Variants in ZNF335 observed in about 807,000 individuals in gnomAD.
ZNF335 encodes zinc finger protein 335, also known as NRC-interacting factor 1.
ZNF335 carries 84 observed loss-of-function variants against 145.6 expected under a neutral mutation model. That is an observed-to-expected ratio of 0.58 (90% CI 0.48 to 0.69). The LOEUF is 0.69. Ranked by LOEUF, ZNF335 falls within the 30% of genes least tolerant of loss-of-function variation. The pLI is 0.00. For synonymous variants in ZNF335, 761 were observed against 717.0 expected, an observed-to-expected ratio of 1.06 and a Z score of -0.98; for missense variants, 1,865 against 1,809.7, an observed-to-expected ratio of 1.03 and a Z score of -0.55.
chr20:45,953,634 C>T lies in ZNF335; in HGVS notation c.2702+55G>A, dbSNP rs958936771. ...GGCTTGGGTGGGGCCCAAATCGGACCGACCGACCACACCTACAAAAAGCTG... is the reference window on the plus strand; with the variant it reads ...GGCTTGGGTGGGGCCCAAATCGGACTGACCGACCACACCTACAAAAAGCTG... On this transcript the variant is annotated intron_variant, in intron 18 of 27. Coordinates refer to ENST00000322927, the MANE Select transcript of ZNF335 (RefSeq NM_022095.4). The T allele has an allele frequency of 2.3e-5, 36 of 1,596,098 alleles. No individual in the cohort carries two copies. In the African/African-American group the frequency reaches 2.8e-4, roughly 12 times the overall value.
intron 14 of ZNF335, among the ~76,000 whole-genome samples, chr20:45,959,929 A>G (rs541947471): frequency 2.2e-4 from 34 of 152,316 alleles, no homozygotes; most frequent in African/African-American, 7.9e-4. Flanking sequence ...TCATAGCCAT[A>G]TGGCAGGCAC....
Position 45,950,229 on chromosome 20 carries a change from G to A in ZNF335, c.3477C>T (p.Ala1159=), listed in dbSNP as rs776576228. The stretch of plus-strand genomic sequence containing the variant: ...CCAGGGGCAGCTCACTGTGCAGGGT[G>A]GCCAGTGTTTCGTCATCACTGTTCA... The part of the protein sequence containing the change: ...IILNSDDETL[A]TLHTALQSSH... The change falls in exon 22 of 28, where the codon GCC becomes GCT. Residue 1159 remains alanine, a synonymous_variant. Transcript: ENST00000322927. 3.2e-6 allele frequency: 5 copies of A among 1,547,764 alleles called. No homozygotes were observed. Among genetic ancestry groups the A allele is most frequent in the Non-Finnish European group, 4.4e-6 (5 of 1,146,836 alleles).
intron 2 of ZNF335, 71 bp from the exon 3 acceptor site, chr20:45,969,762 C>A: frequency 6.4e-7 from 1 of 1,565,046 alleles, no homozygotes; most frequent in South Asian, 1.2e-5. Context: ...TGCCAGCTCC[C>A]ACTTGCTAGA....
chr20:45,971,229 T>G lies in ZNF335; in HGVS notation c.182A>C (p.Asp61Ala), dbSNP rs1046450853. The change falls in exon 2 of 28, where the codon GAC (aspartate) becomes GCC (alanine). Residue 61 changes from aspartate (D) to alanine (A), a missense_variant. Asp to Ala is a moderately radical substitution (Grantham distance 126). Coordinates refer to ENST00000322927, the MANE Select transcript of ZNF335 (RefSeq NM_022095.4). ...ADDSGVGQSSDRGSRSQEEVS... is the reference protein window; with the variant it reads ...ADDSGVGQSSARGSRSQEEVS... ...CCATACCTGAGAACGGCTGCCGCGG[T>G]CCGAGCTTTGCCCCACGCCAGAGTC... 8.4e-6 allele frequency: 13 copies of G among 1,545,282 alleles called. No individual in the cohort carries two copies. In the Admixed American group the frequency reaches 1.2e-4, roughly 14 times the overall value.
At position 45,950,581 on chromosome 20, in the gene ZNF335, C is replaced by T; in HGVS notation, c.3204G>A (p.Gln1068=). The part of the protein sequence containing the change: ...QWPEVRAHMA[Q]HSSLRPHQCS... ...ACTGGTGGGGCCGTAGGCTTGAGTG[C>T]TGTGCCATGTGCGCCTGCAGAGAGG... Residue 1068 remains glutamine (Q), a synonymous_variant, in exon 21 of 28, where the codon CAG becomes CAA. Coordinates refer to ENST00000322927, the MANE Select transcript of ZNF335 (RefSeq NM_022095.4). 1 of 1,613,990 alleles carries T rather than the reference C, an allele frequency of 6.2e-7. No homozygotes were observed. Among genetic ancestry groups the T allele is most frequent in the South Asian group, 1.1e-5 (1 of 91,084 alleles).
intron 7 of ZNF335, among the ~76,000 whole-genome samples, chr20:45,965,341 T>C (rs1191777644): frequency 6.6e-6 from 1 of 152,116 alleles, no homozygotes; most frequent in African/African-American, 2.4e-5. Flanking sequence ...TTCAGTAATA[T>C]TTAAAACTTA....
Position 45,948,859 on chromosome 20 carries a change from G to A in ZNF335, c.*94C>T, listed in dbSNP as rs2083573006. On this transcript the variant is annotated 3_prime_UTR_variant, in exon 28 of 28. Coordinates refer to ENST00000322927, the MANE Select transcript of ZNF335 (RefSeq NM_022095.4). ...GAGGATGCTGGCTATCCAGTATCTG[G>A]AGATCCTAAATGAAGAGGGAGGTGA... 10 of 1,575,340 alleles carry A rather than the reference G, an allele frequency of 6.3e-6. No homozygotes were observed. The highest frequency in any genetic ancestry group is 8.7e-6 in the Non-Finnish European group (10 of 1,153,088).
At position 45,950,205 on chromosome 20, in the gene ZNF335, C is replaced by G. The variant is rs73622634; in HGVS notation, c.3487+14G>C. On this transcript the variant is annotated intron_variant, in intron 22 of 27. Transcript: ENST00000322927. ...TACCCTGTTGCCCACCCTGTGGCCCCAGGGGCAGCTCACTGTGCAGGGTGG... is the reference window on the plus strand; with the variant it reads ...TACCCTGTTGCCCACCCTGTGGCCCGAGGGGCAGCTCACTGTGCAGGGTGG... 0.015 allele frequency: 23,699 copies of G among 1,552,528 alleles called. 1,522 individuals carry two copies. The East Asian group carries it at 0.22, about 15-fold the overall frequency.
intron 18 of ZNF335, 70 bp downstream of exon 18, chr20:45,953,619 G>A: frequency 1.9e-6 from 3 of 1,579,736 alleles, no homozygotes; most frequent in Non-Finnish European, 2.6e-6. Flanking sequence ...GGCTTGGGTG[G>A]GGCCCAAATC....
intron 4 of ZNF335, 49 bp downstream of exon 4, chr20:45,968,236 T>C: frequency 6.3e-7 from 1 of 1,582,292 alleles, no homozygotes; most frequent in Non-Finnish European, 8.7e-7. Flanking sequence ...TCCTCACCTA[T>C]CCCCCTGCCC....
chr20:45,952,074 T>G lies in ZNF335; in HGVS notation c.3189+73A>C, dbSNP rs566582038. On this transcript the variant is annotated intron_variant, in intron 20 of 27. Transcript: ENST00000322927. ...CAGAGGATCTGGCTTGAAAGGGCAC[T>G]CATTAAAGGTTTGTTATACAAACGA... is the stretch of plus-strand genomic sequence containing the variant. The G allele has an allele frequency of 4.6e-6, 7 of 1,507,560 alleles. No individual in the cohort carries two copies. In the South Asian group the frequency reaches 9.4e-5, roughly 20 times the overall value. The allele number at this position is 1,507,560 out of a possible 1,614,324, so 93.4% of individuals were successfully genotyped here. A position where few individuals can be genotyped will look rare whatever the true frequency, so the allele number is the denominator to read the frequency against.
intron 18 of ZNF335, among the ~76,000 whole-genome samples, chr20:45,953,470 T>A (rs997706743): frequency 1.3e-5 from 2 of 152,212 alleles, no homozygotes; most frequent in African/African-American, 4.8e-5. Context: ...CTCATGGGAA[T>A]GGCTTAGGTC....
rs1349520687 is a variant in ZNF335 at position 45,957,639 on chromosome 20, C to G, written c.2389G>C (p.Asp797His). ...TGAGCACTCATGTTCAGCAGAAGAT[C>G]CAAGGCTGTCTGCGTGGCCATCGCT... is the stretch of plus-strand genomic sequence containing the variant. ...STAMATQTALDLLLNMSAQRE... is the reference protein window; with the variant it reads ...STAMATQTALHLLLNMSAQRE... Residue 797 changes from aspartate to histidine, a missense_variant, in exon 17 of 28, where the codon GAT becomes CAT. Transcript: ENST00000322927. The G allele has an allele frequency of 1.9e-6, 3 of 1,614,178 alleles. No individual in the cohort carries two copies. The highest frequency in any genetic ancestry group is 2.5e-6 in the Non-Finnish European group (3 of 1,180,034).
At chr20:45,954,585 G>A (rs1490449668) in intron 17 of ZNF335, among the ~76,000 whole-genome samples, 1 of 152,044 alleles carries the variant, frequency 6.6e-6, no homozygotes, top group Non-Finnish European at 1.5e-5. Context: ...AGAAATTGGG[G>A]TTGGGGGATA....
chr20:45,966,190 G>A (rs143394870), intron 6 of ZNF335, among the ~76,000 whole-genome samples: 34 of 151,910 alleles, frequency 2.2e-4, no homozygotes, highest in African/African-American at 8.2e-4. Flanking sequence ...ATAATTAAGT[G>A]TAAAATAATG....
chr20:45,958,378 T>C (rs2083766849), intron 15 of ZNF335, among the ~76,000 whole-genome samples: 1 of 152,150 alleles, frequency 6.6e-6, no homozygotes, highest in South Asian at 2.1e-4. Flanking sequence ...ACGAGCTCAG[T>C]GCTACAGATG....
Position 45,949,316 on chromosome 20 carries a change from T to A in ZNF335, c.3819+17A>T. ...CCTGCCTGTGCCCCAGGTCTCCCTG[T>A]CCCCCCACGGCCCTACCTGGGACTC... is the stretch of plus-strand genomic sequence containing the variant. On this transcript the variant is annotated intron_variant, in intron 26 of 27. Coordinates refer to ENST00000322927, the MANE Select transcript of ZNF335 (RefSeq NM_022095.4). 6.2e-7 allele frequency: 1 copy of A among 1,613,910 alleles called. No homozygotes were observed. Among genetic ancestry groups the A allele is most frequent in the Non-Finnish European group, 8.5e-7 (1 of 1,179,980 alleles).
chr20:45,955,869 C>T (rs2145371121), intron 17 of ZNF335, among the ~76,000 whole-genome samples: 1 of 151,968 alleles, frequency 6.6e-6, no homozygotes, highest in South Asian at 2.1e-4. Flanking sequence ...CAGTGAAGCA[C>T]TGCTTGAATT....
rs2083826425 is a variant in ZNF335, at chr20:45,960,703, A to G, written c.1695T>C (p.Pro565=). ...PTPKLSSFPC[P]VCGRVYPMQK... ...GCATGGGGTACACACGGCCACACACAGGGCAGGGGAAAGAGCTCAGCTTTG... is the reference window on the plus strand; with the variant it reads ...GCATGGGGTACACACGGCCACACACGGGGCAGGGGAAAGAGCTCAGCTTTG... The change falls in exon 12 of 28, where the codon CCT becomes CCC. Residue 565 remains proline, a synonymous_variant. Coordinates refer to ENST00000322927, the MANE Select transcript of ZNF335 (RefSeq NM_022095.4). The G allele has an allele frequency of 3.7e-6, 6 of 1,613,968 alleles. No individual in the cohort carries two copies. In the Admixed American group the frequency reaches 1.0e-4, roughly 27 times the overall value.
Sources: allele counts gnomAD v4.1 joint callset (sites outside exome capture counted in the v4.1 genomes callset), GRCh38; gene constraint gnomAD v4.1.1; transcripts MANE v1.5; gene names NCBI Gene and HGNC (gene_info 2026-07-23, HGNC 2026-07-21).